The following PTPRD variants were observed in gnomAD, a reference collection of about 807,000 sequenced individuals.
PTPRD encodes the protein receptor-type tyrosine-protein phosphatase delta.
In PTPRD, 34 loss-of-function variants were observed where a neutral mutation model predicts 214.5. That is an observed-to-expected ratio of 0.16 (90% CI 0.12 to 0.21). The LOEUF is 0.21. Ranked by LOEUF, PTPRD falls within the 10% of genes least tolerant of loss-of-function variation. The pLI, the probability that PTPRD is intolerant of heterozygous loss-of-function variation, is 1.00. For missense variants in PTPRD, 2,545 were observed against 2,398.7 expected, an observed-to-expected ratio of 1.06 and a Z score of -1.27; for synonymous variants, 1,128 against 845.7, an observed-to-expected ratio of 1.33 and a Z score of -5.79.
chr9:8,677,526 T>TGGAGGGCGA (rs1322626354), intron 12 of PTPRD, among the ~76,000 whole-genome samples: 1 of 151,798 alleles, frequency 6.6e-6, no homozygotes, highest in African/African-American at 2.4e-5. Context: ...TAATTGAGGG[T>TGGAGGGCGA]GGAGGGTGAG....
At chr9:8,621,826 G>T (rs1009377203) in intron 14 of PTPRD, among the ~76,000 whole-genome samples, 3 of 151,760 alleles carry the variant, frequency 2.0e-5, no homozygotes, top group African/African-American at 7.3e-5. Flanking sequence ...TAAATAAAAG[G>T]CTCTTTAGGA....
intron 11 of PTPRD, among the ~76,000 whole-genome samples, chr9:8,985,596 A>C (rs2099338692): frequency 6.6e-6 from 1 of 151,620 alleles, no homozygotes; most frequent in Admixed American, 6.6e-5. Flanking sequence ...ATAGTCACTC[A>C]GTGGTTCCTT....
chr9:8,522,173 G>T (rs1338973859), intron 19 of PTPRD, among the ~76,000 whole-genome samples: 2 of 152,162 alleles, frequency 1.3e-5, no homozygotes, highest in Admixed American at 6.6e-5. Context: ...CACAGAAGAA[G>T]AAACAGGCTA....
intron 11 of PTPRD, among the ~76,000 whole-genome samples, chr9:9,010,024 C>T (rs991414917): frequency 9.9e-5 from 15 of 151,968 alleles, no homozygotes; most frequent in African/African-American, 3.1e-4. Context: ...ACATGACCAG[C>T]CTGACAAAGA....
intron 9 of PTPRD, among the ~76,000 whole-genome samples, chr9:9,393,032 G>T (rs967672284): frequency 5.9e-5 from 9 of 152,058 alleles, no homozygotes; most frequent in Non-Finnish European, 8.8e-5. Context: ...GCGGGAGCTG[G>T]TTAATCGGCT....
intron 7 of PTPRD, among the ~76,000 whole-genome samples, chr9:9,613,426 G>C (rs944625195): frequency 6.6e-6 from 1 of 151,894 alleles, no homozygotes; most frequent in Non-Finnish European, 1.5e-5. Flanking sequence ...GGGTGTGATA[G>C]ATAGATAAGC....
intron 39 of PTPRD, among the ~76,000 whole-genome samples, chr9:8,362,422 T>C (rs1259523489): frequency 6.6e-6 from 1 of 152,146 alleles, no homozygotes; most frequent in Non-Finnish European, 1.5e-5. Flanking sequence ...GAAAGAGGGA[T>C]GAAATATTAA....
intron 3 of PTPRD, among the ~76,000 whole-genome samples, chr9:10,246,628 C>A (rs2092150034): frequency 6.6e-6 from 1 of 152,094 alleles, no homozygotes; most frequent in Non-Finnish European, 1.5e-5. Context: ...GATGATGATG[C>A]CTATGACGAC....
intron 9 of PTPRD, among the ~76,000 whole-genome samples, chr9:9,369,363 T>G (rs1302355276): frequency 6.6e-6 from 1 of 152,140 alleles, no homozygotes; most frequent in Admixed American, 6.6e-5. Context: ...TGGCCAGAGA[T>G]GATGAGCATT....
At chr9:10,018,043 T>A (rs1160407960) in intron 4 of PTPRD, among the ~76,000 whole-genome samples, 1 of 152,152 alleles carries the variant, frequency 6.6e-6, no homozygotes, top group Non-Finnish European at 1.5e-5. Flanking sequence ...TTTTATTTAT[T>A]GTCTTTTTCT....
At chr9:9,322,604 G>T (rs1404523839) in intron 9 of PTPRD, among the ~76,000 whole-genome samples, 1 of 152,172 alleles carries the variant, frequency 6.6e-6, no homozygotes, top group East Asian at 1.9e-4. Context: ...AGTAACATAT[G>T]CATGTCAGGA....
chr9:9,505,123 T>A (rs1246648375), intron 8 of PTPRD, among the ~76,000 whole-genome samples: 1 of 151,592 alleles, frequency 6.6e-6, no homozygotes, highest in African/African-American at 2.4e-5. Context: ...TTTCTGACTT[T>A]CTATTTCCTT....
intron 3 of PTPRD, among the ~76,000 whole-genome samples, chr9:10,231,353 G>C (rs1056786370): frequency 2.0e-5 from 3 of 151,844 alleles, no homozygotes; most frequent in Admixed American, 1.3e-4. Context: ...AAAATGGAAG[G>C]GTTTGCAGGA....
At position 9,902,871 on chromosome 9, in the gene PTPRD, A is replaced by T. The variant is rs533779603; in HGVS notation, c.-368+35636T>A. On this transcript the variant is annotated intron_variant, in intron 5 of 45. Transcript: ENST00000381196. ...ACATTTAGGTGATAGCAAATTTTCA[A>T]CACACAGCAACATTTTCTACATTTT... Among the ~76,000 whole-genome samples, 26 of 152,262 alleles carry T rather than the reference A, an allele frequency of 1.7e-4. No homozygotes were observed. The South Asian group carries it at 5.0e-3, about 29-fold the overall frequency.
chr9:9,988,647 G>A (rs2095803416), intron 4 of PTPRD, among the ~76,000 whole-genome samples: 2 of 151,780 alleles, frequency 1.3e-5, no homozygotes, highest in Admixed American at 6.6e-5. Flanking sequence ...AATAATGTCA[G>A]TTCTTTTTAT....
intron 14 of PTPRD, among the ~76,000 whole-genome samples, chr9:8,595,269 C>G (rs1003464524): frequency 1.3e-5 from 2 of 151,202 alleles, no homozygotes; most frequent in Admixed American, 1.3e-4. Context: ...AGAGTTTGAT[C>G]ACATGATAAG....
At chr9:9,918,620 A>G (rs891378807) in intron 5 of PTPRD, among the ~76,000 whole-genome samples, 6 of 152,108 alleles carry the variant, frequency 3.9e-5, no homozygotes, top group African/African-American at 1.4e-4. Context: ...AAACAGCAAA[A>G]CTGAAGGCGT....
rs1422438202 is a variant in PTPRD, at chr9:9,681,631, C to A, written c.-287+52902G>T. On this transcript the variant is annotated intron_variant, in intron 7 of 45. Coordinates refer to ENST00000381196, the MANE Select transcript of PTPRD (RefSeq NM_002839.4). ...AGGCCATCTTAAAAGAAGCAAACACCAGATTGCGTCCCTTCTCCTTACATC... is the reference window on the plus strand; with the variant it reads ...AGGCCATCTTAAAAGAAGCAAACACAAGATTGCGTCCCTTCTCCTTACATC... 3.3e-5 allele frequency among the ~76,000 whole-genome samples: 5 copies of A among 151,744 alleles called. 1 individual carries two copies. Among genetic ancestry groups the A allele is most frequent in the African/African-American group, 1.2e-4 (5 of 41,370 alleles).
chr9:10,427,765 G>A (rs1474241262), intron 2 of PTPRD, among the ~76,000 whole-genome samples: 1 of 151,920 alleles, frequency 6.6e-6, no homozygotes, highest in Non-Finnish European at 1.5e-5. Flanking sequence ...AACCCACTGG[G>A]GTGGAAAATG....
Sources: allele counts gnomAD v4.1 joint callset (sites outside exome capture counted in the v4.1 genomes callset), GRCh38; gene constraint gnomAD v4.1.1; transcripts MANE v1.5; gene names NCBI Gene and HGNC (gene_info 2026-07-23, HGNC 2026-07-21).